Variants in LPIN1 observed in about 807,000 individuals in gnomAD.
LPIN1 encodes phosphatidate phosphatase LPIN1.
In LPIN1, 71 loss-of-function variants were observed where a neutral mutation model predicts 107.5. That is an observed-to-expected ratio of 0.66 (90% CI 0.55 to 0.80). The LOEUF is 0.80. Ranked by LOEUF, LPIN1 falls within the 30% of genes least tolerant of loss-of-function variation. The pLI, the probability that LPIN1 is intolerant of heterozygous loss-of-function variation, is 0.00. For synonymous variants in LPIN1, 445 were observed against 452.6 expected, an observed-to-expected ratio of 0.98 and a Z score of 0.21; for missense variants, 1,043 against 1,160.6, an observed-to-expected ratio of 0.90 and a Z score of 1.47.
chr2:11,782,786 AC>A (rs1470074382), intron 8 of LPIN1, among the ~76,000 whole-genome samples: 1 of 152,198 alleles, frequency 6.6e-6, no homozygotes, highest in African/African-American at 2.4e-5. Context: ...TTTCCAGCAC[AC>A]CATGGGACCC....
At chr2:11,691,087 T>TC (rs1215123109) in intron 1 of LPIN1, among the ~76,000 whole-genome samples, 1 of 150,932 alleles carries the variant, frequency 6.6e-6, no homozygotes, top group Non-Finnish European at 1.5e-5. Context: ...TGTTGTGGTT[T>TC]TTTTTTTTTT....
At chr2:11,748,846 C>T (rs565250071) in intron 1 of LPIN1, among the ~76,000 whole-genome samples, 6 of 152,286 alleles carry the variant, frequency 3.9e-5, no homozygotes, top group African/African-American at 1.2e-4. Flanking sequence ...GCACGGATGT[C>T]GGCAGCTTTT....
intron 4 of LPIN1, 127 bp from the exon 5 acceptor site, chr2:11,773,493 G>C: frequency 2.5e-6 from 2 of 809,356 alleles, no homozygotes; most frequent in Non-Finnish European, 4.2e-6. Context: ...GCCTGGAACA[G>C]ATCTGGGTGT....
At chr2:11,773,598 A>C in intron 4 of LPIN1, 22 bp from the exon 5 acceptor site, 1 of 1,599,110 alleles carries the variant, frequency 6.3e-7, no homozygotes, top group East Asian at 2.2e-5. Flanking sequence ...CTTTGACTTT[A>C]ATCTTTTTTT....
intron 2 of LPIN1, among the ~76,000 whole-genome samples, chr2:11,717,447 C>G (rs1040583114): frequency 1.3e-5 from 2 of 151,810 alleles, no homozygotes; most frequent in Non-Finnish European, 2.9e-5. Context: ...GTTATATTTG[C>G]CTCTCTTTTT....
intron 1 of LPIN1, among the ~76,000 whole-genome samples, chr2:11,712,275 G>A (rs1663466258): frequency 6.6e-6 from 1 of 152,146 alleles, no homozygotes; most frequent in Admixed American, 6.5e-5. Context: ...GGCCTTTCTT[G>A]TCCTCTCCTC....
chr2:11,732,669 C>A (rs1340920447), intron 1 of LPIN1, among the ~76,000 whole-genome samples: 3 of 152,170 alleles, frequency 2.0e-5, no homozygotes, highest in Admixed American at 6.5e-5. Flanking sequence ...TGATAAATGG[C>A]AATGTCATAA....
chr2:11,696,823 G>A (rs939384056), intron 1 of LPIN1, among the ~76,000 whole-genome samples: 2 of 152,234 alleles, frequency 1.3e-5, no homozygotes, highest in Non-Finnish European at 2.9e-5. Flanking sequence ...CTGACACTTT[G>A]GGGGGCTCCT....
At chr2:11,800,284 C>T (rs1677471214) in intron 14 of LPIN1, among the ~76,000 whole-genome samples, 1 of 152,236 alleles carries the variant, frequency 6.6e-6, no homozygotes, top group African/African-American at 2.4e-5. Flanking sequence ...GCTGCTCATT[C>T]TAGGACTGGA....
chr2:11,721,774 T>G (rs1664163976), upstream of LPIN1: 1 of 152,256 alleles, frequency 6.6e-6, no homozygotes, highest in Non-Finnish European at 1.5e-5. Context: ...TCTCTTCTCA[T>G]GGGACAGAAG....
upstream of LPIN1, among the ~76,000 whole-genome samples, chr2:11,722,895 A>G (rs997815263): frequency 6.6e-6 from 1 of 152,234 alleles, no homozygotes; most frequent in African/African-American, 2.4e-5. Context: ...AATGTGCTAG[A>G]TTAGCACATG....
intron 1 of LPIN1, among the ~76,000 whole-genome samples, chr2:11,710,329 A>G (rs1663344567): frequency 6.6e-6 from 1 of 152,180 alleles, no homozygotes; most frequent in Non-Finnish European, 1.5e-5. Context: ...ATGTTAAATG[A>G]GAAAGAAAAG....
At chr2:11,694,070 G>T (rs1662449066) in intron 1 of LPIN1, among the ~76,000 whole-genome samples, 3 of 151,566 alleles carry the variant, frequency 2.0e-5, no homozygotes, top group Non-Finnish European at 2.9e-5. Flanking sequence ...CTGACCTCAG[G>T]TGATCCACCT....
upstream of LPIN1, among the ~76,000 whole-genome samples, chr2:11,721,420 A>G (rs1664138152): frequency 6.6e-6 from 1 of 151,660 alleles, no homozygotes. Context: ...CCATTGTGTC[A>G]CTGTCCAGTG....
At chr2:11,754,591 G>A (rs547057136) in intron 1 of LPIN1, among the ~76,000 whole-genome samples, 1 of 152,334 alleles carries the variant, frequency 6.6e-6, no homozygotes, top group East Asian at 1.9e-4. Flanking sequence ...GTCACATCCA[G>A]GGCCAACCCT....
intron 19 of LPIN1, 113 bp from the exon 20 acceptor site, chr2:11,820,298 A>C: frequency 4.2e-6 from 3 of 719,120 alleles, no homozygotes; most frequent in Non-Finnish European, 5.0e-6. Context: ...ACTTTGAGGT[A>C]GAGCTCTGGT....
chr2:11,797,610 A>T (rs930478567), intron 14 of LPIN1, among the ~76,000 whole-genome samples: 2 of 152,220 alleles, frequency 1.3e-5, no homozygotes, highest in African/African-American at 4.8e-5. Context: ...TCACACTTGC[A>T]TGGGGCTTGT....
chr2:11,786,183 C>A lies in LPIN1; in HGVS notation c.1550-891C>A, dbSNP rs999753796. 3.3e-5 allele frequency among the ~76,000 whole-genome samples: 5 copies of A among 152,096 alleles called. No homozygotes were observed. The highest frequency in any genetic ancestry group is 1.2e-4 in the African/African-American group (5 of 41,412). On this transcript the variant is annotated intron_variant, in intron 10 of 20. Transcript: ENST00000674199. The surrounding 1 kb of genome is among the most constrained non-coding windows in gnomAD (Gnocchi z 4.1). ...GCCAGATCGTCACAGTCAGGAGACC[C>A]CAGGAGAGTCCCCGGAGGTCCTGAT...
Position 11,782,347 on chromosome 2 carries a change from C to A in LPIN1, c.1104C>A (p.Asp368Glu). The change falls in exon 8 of 21, where the codon GAC (aspartate) becomes GAA (glutamate). Residue 368 changes from aspartate (D) to glutamate (E), a missense_variant. Transcript: ENST00000674199. ...CTCTGGTCGGTGGGGCACTTTTGGA[C>A]CAGAACAAGCCTCAGACAGAAATGC... ...SPTLVGGALL[D>E]QNKPQTEMQF... is the part of the protein sequence containing the mutation. The A allele has an allele frequency of 6.2e-7, 1 of 1,614,126 alleles. No homozygotes were observed. The highest frequency in any genetic ancestry group is 8.5e-7 in the Non-Finnish European group (1 of 1,180,022).
Sources: allele counts gnomAD v4.1 joint callset (sites outside exome capture counted in the v4.1 genomes callset), GRCh38; gene constraint gnomAD v4.1.1; non-coding constraint Gnocchi (gnomAD v3.1); transcripts MANE v1.5; gene names NCBI Gene and HGNC (gene_info 2026-07-23, HGNC 2026-07-21).